Variants in LPAR3 observed in about 807,000 individuals in gnomAD.
The protein encoded by LPAR3 is LPA receptor 3.
A neutral mutation model predicts 17.8 loss-of-function variants in LPAR3; 7 were observed. That is an observed-to-expected ratio of 0.39 (90% CI 0.22 to 0.74). LPAR3 has a LOEUF of 0.74. Among genes scored for constraint, LPAR3 ranks in the 30% least tolerant of loss-of-function variants. LPAR3 has a pLI of 0.40. For synonymous variants in LPAR3, 179 were observed against 179.9 expected (o/e 0.99, Z 0.04); for missense variants, 391 against 453.4 (o/e 0.86, Z 1.25).
chr1:84,882,472 G>A (rs1409300731), intron 1 of LPAR3, among the ~76,000 whole-genome samples: 1 of 152,058 alleles, frequency 6.6e-6, no homozygotes, highest in Non-Finnish European at 1.5e-5. Flanking sequence ...ATTTTTTACA[G>A]AAATATTAAA....
At position 84,812,212 on chromosome 1, in the gene LPAR3, CT is replaced by C; in HGVS notation, c.*1633del. The stretch of plus-strand genomic sequence containing the variant: ...GGATTCAGCCTGCTCTTCAATACAG[CT>C]TTTACTCTGATGTATAAAAACATCT... On this transcript the variant is annotated 3_prime_UTR_variant, in exon 3 of 3. Coordinates refer to ENST00000370611, the MANE Select transcript of LPAR3 (RefSeq NM_012152.3). 1 of 152,250 alleles carries C rather than the reference CT, an allele frequency of 6.6e-6. No homozygotes were observed. Among genetic ancestry groups the C allele is most frequent in the Admixed American group, 6.5e-5 (1 of 15,292 alleles). The allele number at this position is 152,250 out of a possible 1,614,324, so 9.4% of individuals were successfully genotyped here. A position where few individuals can be genotyped will look rare whatever the true frequency, so the allele number is the denominator to read the frequency against.
At chr1:84,843,749 T>G (rs1166631622) in intron 2 of LPAR3, among the ~76,000 whole-genome samples, 1 of 152,238 alleles carries the variant, frequency 6.6e-6, no homozygotes, top group Non-Finnish European at 1.5e-5. Flanking sequence ...GTAGCCCAAT[T>G]ATCCTCTCCG....
At chr1:84,864,219 AAAAAAC>A (rs534662860) in intron 2 of LPAR3, among the ~76,000 whole-genome samples, 7 of 144,360 alleles carry the variant, frequency 4.8e-5, no homozygotes, top group Non-Finnish European at 4.6e-5. Flanking sequence ...CTCAAAAAAA[AAAAAAC>A]AAAAAACAAA....
chr1:84,850,393 C>CAA lies in LPAR3; in HGVS notation c.736+14990_736+14991dup, dbSNP rs561506398. On this transcript the variant is annotated intron_variant, in intron 2 of 2. Coordinates refer to ENST00000370611, the MANE Select transcript of LPAR3 (RefSeq NM_012152.3). ...GCAACATGGTGAAACTCTGTCTCTA[C>CAA]AAAAAAAAAAAAAAAAAAAAAAAAG... Among the ~76,000 whole-genome samples the CAA allele has an allele frequency of 7.7e-3, 298 of 38,710 alleles. 8 individuals are homozygous for CAA. The highest frequency in any genetic ancestry group is 0.01 in the African/African-American group (92 of 8,946). The allele number at this position is 38,710 out of a possible 152,430, so 25.4% of individuals were successfully genotyped here. A position where few individuals can be genotyped will look rare whatever the true frequency, so the allele number is the denominator to read the frequency against.
At chr1:84,892,555 G>A (rs762178986) in intron 1 of LPAR3, among the ~76,000 whole-genome samples, 1 of 152,176 alleles carries the variant, frequency 6.6e-6, no homozygotes, top group East Asian at 1.9e-4. Context: ...GTTCCCCAGC[G>A]GACACAGCAC....
chr1:84,817,634 G>A (rs183108746), intron 2 of LPAR3, among the ~76,000 whole-genome samples: 41 of 152,120 alleles, frequency 2.7e-4, no homozygotes, highest in Admixed American at 2.2e-3. Flanking sequence ...CTGTTCTGTC[G>A]AAGAACATTT....
intron 2 of LPAR3, among the ~76,000 whole-genome samples, chr1:84,850,393 CAAAAAAA>C (rs561506398): frequency 9.4e-3 from 366 of 38,736 alleles, no homozygotes; most frequent in Middle Eastern, 0.079. Context: ...TCTGTCTCTA[CAAAAAAA>C]AAAAAAAAAA....
Position 84,813,889 on chromosome 1 carries a change from T to C in LPAR3, c.1019A>G (p.Asp340Gly), listed in dbSNP as rs1291666292. Residue 340 changes from aspartate (D) to glycine (G), a missense_variant, in exon 3 of 3, where the codon GAT becomes GGT. Asp to Gly is a moderately conservative substitution (Grantham distance 94, BLOSUM62 -1). Transcript: ENST00000370611. ...GCAGACTGCACCTTGGCTAATACTATCCTCTATGTACTGGCTGCCTGTGTC... is the reference window on the plus strand; with the variant it reads ...GCAGACTGCACCTTGGCTAATACTACCCTCTATGTACTGGCTGCCTGTGTC... The part of the protein sequence containing the change: ...RSDTGSQYIE[D>G]SISQGAVCNK... 1.2e-5 allele frequency: 20 copies of C among 1,614,092 alleles called. No homozygotes were observed. The highest frequency in any genetic ancestry group is 1.7e-5 in the Non-Finnish European group (20 of 1,180,016).
chr1:84,878,201 G>A (rs1280164113), intron 1 of LPAR3, among the ~76,000 whole-genome samples: 2 of 152,028 alleles, frequency 1.3e-5, no homozygotes, highest in African/African-American at 4.8e-5. Context: ...CAATTTGATT[G>A]AATAATTCCC....
intron 2 of LPAR3, among the ~76,000 whole-genome samples, chr1:84,814,378 C>G (rs1383451899): frequency 6.6e-6 from 1 of 152,180 alleles, no homozygotes; most frequent in East Asian, 1.9e-4. Flanking sequence ...GACTATCAAT[C>G]ACATTTCATT....
chr1:84,827,849 T>C (rs1471256124), intron 2 of LPAR3, among the ~76,000 whole-genome samples: 1 of 152,194 alleles, frequency 6.6e-6, no homozygotes, highest in Non-Finnish European at 1.5e-5. Flanking sequence ...GATTGTTTTA[T>C]AGATTAAATA....
chr1:84,821,845 G>A (rs964194594), intron 2 of LPAR3, among the ~76,000 whole-genome samples: 7 of 152,236 alleles, frequency 4.6e-5, no homozygotes, highest in African/African-American at 1.7e-4. Context: ...AGGGTGAGTG[G>A]GTAGCATGTG....
At chr1:84,828,305 A>T (rs555950919) in intron 2 of LPAR3, among the ~76,000 whole-genome samples, 1 of 152,320 alleles carries the variant, frequency 6.6e-6, no homozygotes, top group Middle Eastern at 3.4e-3. Context: ...TTCGAATGGC[A>T]ATCATTTATA....
At chr1:84,875,220 T>A (rs552274422) in intron 1 of LPAR3, among the ~76,000 whole-genome samples, 1 of 152,310 alleles carries the variant, frequency 6.6e-6, no homozygotes, top group South Asian at 2.1e-4. Context: ...AATTTTAAAG[T>A]GTGAACATTC....
chr1:84,843,604 G>A (rs1384208598), intron 2 of LPAR3, among the ~76,000 whole-genome samples: 8 of 152,222 alleles, frequency 5.3e-5, no homozygotes, highest in African/African-American at 1.9e-4. Context: ...CACACCTGCT[G>A]GGTGTTGGCA....
chr1:84,813,999 G>A lies in LPAR3; in HGVS notation c.909C>T (p.Thr303=). 1.2e-6 allele frequency: 2 copies of A among 1,614,156 alleles called. No individual in the cohort carries two copies. The highest frequency in any genetic ancestry group is 1.7e-6 in the Non-Finnish European group (2 of 1,180,030). The change falls in exon 3 of 3, where the codon ACC becomes ACT. Residue 303 remains threonine (T), a synonymous_variant. Transcript: ENST00000370611. ...AGAAGCAGCAGATCATCTTCTTCATGGTGCCATACATGTCCTCGTCCTTGT... is the reference window on the plus strand; with the variant it reads ...AGAAGCAGCAGATCATCTTCTTCATAGTGCCATACATGTCCTCGTCCTTGT... The part of the protein sequence containing the change: ...YSYKDEDMYG[T]MKKMICCFSQ...
intron 2 of LPAR3, among the ~76,000 whole-genome samples, chr1:84,842,204 G>A (rs1416876594): frequency 1.3e-5 from 2 of 152,160 alleles, no homozygotes; most frequent in African/African-American, 4.8e-5. Flanking sequence ...ACGTGAGTTG[G>A]TTCTTGTTTT....
At chr1:84,842,461 G>A (rs184367885) in intron 2 of LPAR3, among the ~76,000 whole-genome samples, 2 of 152,324 alleles carry the variant, frequency 1.3e-5, no homozygotes, top group Admixed American at 6.5e-5. Flanking sequence ...GCAAATGAAT[G>A]AGCAGAAATC....
chr1:84,868,113 C>A (rs9730423), intron 1 of LPAR3, among the ~76,000 whole-genome samples: 10 of 148,908 alleles, frequency 6.7e-5, no homozygotes, highest in Non-Finnish European at 1.3e-4. Flanking sequence ...AGAGAGATAG[C>A]ATTTTTTTTT....
Sources: gnomAD v4.1 joint callset for allele counts (sites outside exome capture counted in the v4.1 genomes callset) on GRCh38, gnomAD v4.1.1 for gene constraint, MANE v1.5 for transcripts, NCBI Gene and HGNC (gene_info 2026-07-23, HGNC 2026-07-21) for gene names.